DCAF6: variants seen among roughly 807,000 people sequenced by gnomAD.
The protein encoded by DCAF6 is DDB1- and CUL4-associated factor 6.
Under a neutral mutation model 125.1 loss-of-function variants are expected in DCAF6, and 54 were observed. The observed-to-expected ratio is 0.43, with a 90% CI of 0.35 to 0.54. The LOEUF (loss-of-function observed/expected upper bound fraction) is 0.54, where lower values mean the gene tolerates loss of function less well. Ranked by LOEUF, DCAF6 falls within the 20% of genes least tolerant of loss-of-function variation. The pLI is 0.01. For synonymous variants in DCAF6, 371 were observed against 390.4 expected (o/e 0.95, Z 0.58); for missense variants, 934 against 1,161.7 (o/e 0.80, Z 2.85).
At chr1:168,070,233 A>G (rs1239430430) in intron 21 of DCAF6, among the ~76,000 whole-genome samples, 2 of 152,038 alleles carry the variant, frequency 1.3e-5, no homozygotes, top group African/African-American at 4.8e-5. Flanking sequence ...TGCTTCTCTT[A>G]TACAAAATAC....
At chr1:167,866,135 G>T in the DCAF6 span, among the ~76,000 whole-genome samples, 54 of 152,272 alleles carry the variant, frequency 3.5e-4, no homozygotes, top group East Asian at 9.6e-3. Context: ...GTATTGTGGT[G>T]GACCTTTACT....
chr1:167,881,197 T>C, the DCAF6 span, among the ~76,000 whole-genome samples: 1 of 152,216 alleles, frequency 6.6e-6, no homozygotes, highest in Non-Finnish European at 1.5e-5. Flanking sequence ...AGGCTGTAAG[T>C]AGGTTTTCTT....
intron 3 of DCAF6, among the ~76,000 whole-genome samples, chr1:167,973,464 T>C (rs970929798): frequency 4.6e-5 from 7 of 152,218 alleles, no homozygotes; most frequent in Non-Finnish European, 1.0e-4. Context: ...AATTGATGAC[T>C]TCTGTTTGAA....
At chr1:167,899,437 G>A in the DCAF6 span, 1 of 1,614,206 alleles carries the variant, frequency 6.2e-7, no homozygotes, top group Non-Finnish European at 8.5e-7. Context: ...ACTGCTCTCT[G>A]ATCTGGAACA....
intron 12 of DCAF6, among the ~76,000 whole-genome samples, chr1:168,036,684 T>G (rs986327201): frequency 6.6e-6 from 1 of 152,150 alleles, no homozygotes; most frequent in African/African-American, 2.4e-5. Flanking sequence ...AGATGTTTCC[T>G]TAATACATTT....
At chr1:168,003,549 T>G (rs1216015977) in intron 8 of DCAF6, among the ~76,000 whole-genome samples, 3 of 152,138 alleles carry the variant, frequency 2.0e-5, no homozygotes, top group African/African-American at 7.2e-5. Flanking sequence ...CTTTCTTGGC[T>G]GGGTACTCTT....
the DCAF6 span, chr1:167,903,886 C>T: frequency 5.6e-6 from 9 of 1,605,170 alleles, no homozygotes; most frequent in Non-Finnish European, 5.1e-6. Context: ...GGAACACTTA[C>T]TCTCCACTAT....
the DCAF6 span, among the ~76,000 whole-genome samples, chr1:167,892,016 A>T: frequency 1.3e-5 from 2 of 150,038 alleles, no homozygotes; most frequent in African/African-American, 4.9e-5. Context: ...CTCTGTCCCC[A>T]AGGCTGGAGT....
intron 10 of DCAF6, among the ~76,000 whole-genome samples, chr1:168,006,850 A>G (rs768111266): frequency 6.6e-6 from 1 of 152,178 alleles, no homozygotes. Flanking sequence ...GAAACGGACA[A>G]TGGGAATATG....
the DCAF6 span, chr1:167,875,253 T>C: frequency 4.0e-6 from 6 of 1,492,706 alleles, no homozygotes; most frequent in South Asian, 6.8e-5. Flanking sequence ...CAAGAGTGAT[T>C]AGTTCTTAGT....
At chr1:168,054,471 C>T (rs1461902535) in intron 17 of DCAF6, among the ~76,000 whole-genome samples, 2 of 152,154 alleles carry the variant, frequency 1.3e-5, no homozygotes, top group Admixed American at 6.5e-5. Context: ...TTTAAAGACC[C>T]CACCTCTCAG....
intron 12 of DCAF6, among the ~76,000 whole-genome samples, chr1:168,028,282 T>G (rs1423758561): frequency 6.6e-6 from 1 of 152,182 alleles, no homozygotes; most frequent in Non-Finnish European, 1.5e-5. Flanking sequence ...CCCCTTATTT[T>G]ATTTTAAAAA....
chr1:167,955,970 G>A (rs553576563), intron 2 of DCAF6, among the ~76,000 whole-genome samples: 24 of 152,170 alleles, frequency 1.6e-4, no homozygotes, highest in African/African-American at 5.5e-4. Context: ...TATGTTGCCC[G>A]TCTGGTCTTG....
At chr1:167,958,382 A>C (rs1390847440) in intron 2 of DCAF6, among the ~76,000 whole-genome samples, 2 of 151,000 alleles carry the variant, frequency 1.3e-5, no homozygotes, top group Non-Finnish European at 1.5e-5. Context: ...TTGTCTCAGC[A>C]CCATTTGGTG....
intron 12 of DCAF6, among the ~76,000 whole-genome samples, chr1:168,029,221 TTGAG>T (rs1686732927): frequency 6.6e-6 from 1 of 152,256 alleles, no homozygotes; most frequent in Admixed American, 6.5e-5. Context: ...CTGACATTTA[TTGAG>T]TTTTTTGTGA....
chr1:167,935,494 A>T (rs574080111), upstream of DCAF6, among the ~76,000 whole-genome samples: 11 of 152,318 alleles, frequency 7.2e-5, no homozygotes, highest in Middle Eastern at 3.4e-3. Flanking sequence ...GTCGTGCGTA[A>T]GGGAGCGGAT....
chr1:167,934,610 A>G (rs1444299501), upstream of DCAF6, among the ~76,000 whole-genome samples: 1 of 152,236 alleles, frequency 6.6e-6, no homozygotes, highest in Non-Finnish European at 1.5e-5. Flanking sequence ...CAAACTGGAA[A>G]TCAGATTTAG....
chr1:167,971,816 A>C (rs933717888), intron 3 of DCAF6, among the ~76,000 whole-genome samples: 19 of 152,182 alleles, frequency 1.2e-4, no homozygotes, highest in African/African-American at 4.3e-4. Flanking sequence ...GGAAAGCACA[A>C]CTAAGAAGAT....
chr1:167,972,290 A>T (rs976332324), intron 3 of DCAF6, among the ~76,000 whole-genome samples: 4 of 152,388 alleles, frequency 2.6e-5, no homozygotes, highest in African/African-American at 9.6e-5. Flanking sequence ...AACAAATTCT[A>T]ACCTTCATTG....
Sources: gnomAD v4.1 joint callset for allele counts (sites outside exome capture counted in the v4.1 genomes callset) on GRCh38, gnomAD v4.1.1 for gene constraint, MANE v1.5 for transcripts, NCBI Gene and HGNC (gene_info 2026-07-23, HGNC 2026-07-21) for gene names.